Variants in NUP98 observed in about 807,000 individuals in gnomAD.
NUP98 encodes nucleoporin 98 and 96 precursor.
A neutral mutation model predicts 191.9 loss-of-function variants in NUP98; 26 were observed. That is an observed-to-expected ratio of 0.14 (90% CI 0.10 to 0.19). The LOEUF (loss-of-function observed/expected upper bound fraction) is 0.19. NUP98 is among the 10% of genes least tolerant of loss of function. NUP98 has a pLI of 1.00. For synonymous variants in NUP98, 808 were observed against 778.4 expected (o/e 1.04, Z -0.63); for missense variants, 1,941 against 2,178.8 (o/e 0.89, Z 2.17).
intron 28 of NUP98, 60 bp from the exon 29 acceptor site, chr11:3,686,254 T>A: frequency 6.9e-7 from 1 of 1,444,314 alleles, no homozygotes. Context: ...GACTGATATG[T>A]CAACTGTTCT....
In NUP98 at chr11:3,778,910, G is replaced by A; in HGVS notation, c.318C>T (p.Asn106=). The A allele has an allele frequency of 6.2e-7, 1 of 1,614,182 alleles. No individual in the cohort carries two copies. Among genetic ancestry groups the A allele is most frequent in the Non-Finnish European group, 8.5e-7 (1 of 1,180,034 alleles). The change falls in exon 4 of 33, where the codon AAC becomes AAT. Residue 106 remains asparagine, a synonymous_variant. Coordinates refer to ENST00000324932, the MANE Select transcript of NUP98 (RefSeq NM_016320.5). ...TTGGTTTATTTTGTGCAAAGGCATT[G>A]TTTTGGGATGAGAAGAGACTGGTCC... ...STGTSLFSSQ[N]NAFAQNKPTG...
chr11:3,779,514 G>T (rs2081875933), intron 2 of NUP98, among the ~76,000 whole-genome samples: 1 of 151,968 alleles, frequency 6.6e-6, no homozygotes, highest in Non-Finnish European at 1.5e-5. Context: ...GGTGGCACAT[G>T]CCTATAATCC....
intron 28 of NUP98, among the ~76,000 whole-genome samples, chr11:3,686,576 G>A (rs1183034462): frequency 6.6e-6 from 1 of 151,894 alleles, no homozygotes; most frequent in Non-Finnish European, 1.5e-5. Flanking sequence ...CTGGTATTTT[G>A]AAGTATCCTT....
chr11:3,745,654 T>C (rs1306048561), intron 11 of NUP98, among the ~76,000 whole-genome samples: 1 of 151,840 alleles, frequency 6.6e-6, no homozygotes, highest in African/African-American at 2.4e-5. Context: ...AGAGACAGGA[T>C]CTCATTATGT....
intron 6 of NUP98, among the ~76,000 whole-genome samples, chr11:3,772,908 G>A (rs1235820637): frequency 2.0e-5 from 3 of 152,042 alleles, no homozygotes; most frequent in South Asian, 4.1e-4. Flanking sequence ...AACCTAGGAG[G>A]TGGAGGTTGT....
At chr11:3,705,155 A>AT in intron 22 of NUP98, 45 bp downstream of exon 22, 1 of 1,591,392 alleles carries the variant, frequency 6.3e-7, no homozygotes, top group Non-Finnish European at 8.6e-7. Context: ...GCAGGACTTG[A>AT]TGACTGTACA....
intron 16 of NUP98, among the ~76,000 whole-genome samples, chr11:3,722,867 G>A (rs1356310221): frequency 2.0e-5 from 3 of 152,176 alleles, no homozygotes; most frequent in East Asian, 3.9e-4. Flanking sequence ...AGTTTACAAA[G>A]CCAGGGAAAA....
chr11:3,712,677 C>T lies in NUP98; in HGVS notation c.2629G>A (p.Glu877Lys). 6.2e-7 allele frequency: 1 copy of T among 1,613,064 alleles called. No individual in the cohort carries two copies. Among genetic ancestry groups the T allele is most frequent in the East Asian group, 2.2e-5 (1 of 44,878 alleles). The change falls in exon 20 of 33, where the codon GAG (glutamate) becomes AAG (lysine). Residue 877 changes from glutamate to lysine, a missense_variant. By Grantham distance (56) the Glu-to-Lys change is moderately conservative. Transcript: ENST00000324932. ...TTTGTACTAGTTTTAGACGGATGCTCCTCCTCCTCTTCATCAGAATCCTGA... is the reference window on the plus strand; with the variant it reads ...TTTGTACTAGTTTTAGACGGATGCTTCTCCTCCTCTTCATCAGAATCCTGA... The part of the protein sequence containing the change: ...GLQDSDEEEE[E>K]HPSKTSTKKL...
intron 28 of NUP98, among the ~76,000 whole-genome samples, chr11:3,689,418 T>G (rs1455936069): frequency 6.6e-6 from 1 of 151,842 alleles, no homozygotes; most frequent in Non-Finnish European, 1.5e-5. Flanking sequence ...TCCCAGCTAC[T>G]TGGGAGGCTG....
chr11:3,791,716 G>GGGCA (rs2082358022), intron 1 of NUP98, among the ~76,000 whole-genome samples: 2 of 151,492 alleles, frequency 1.3e-5, no homozygotes, highest in African/African-American at 4.9e-5. Flanking sequence ...GGTGGCACCT[G>GGGCA]CCTGTAATCC....
rs771239131 is a variant in NUP98, at chr11:3,778,916, G to C, written c.312C>G (p.Ser104=). ...TASTGTSLFS[S]QNNAFAQNKP... ...TATTTTGTGCAAAGGCATTGTTTTGGGATGAGAAGAGACTGGTCCCTGTGC... is the reference window on the plus strand; with the variant it reads ...TATTTTGTGCAAAGGCATTGTTTTGCGATGAGAAGAGACTGGTCCCTGTGC... The change falls in exon 4 of 33, where the codon TCC becomes TCG. Residue 104 remains serine (S), a synonymous_variant. Transcript: ENST00000324932. The C allele has an allele frequency of 5.0e-6, 8 of 1,614,198 alleles. No individual in the cohort carries two copies. In the East Asian group the frequency reaches 8.9e-5, roughly 18 times the overall value.
intron 14 of NUP98, among the ~76,000 whole-genome samples, chr11:3,725,861 G>A (rs956422549): frequency 6.6e-6 from 1 of 152,252 alleles, no homozygotes; most frequent in Middle Eastern, 3.4e-3. Flanking sequence ...CCACGCTGGT[G>A]TGTAGTGGTA....
At chr11:3,712,490 G>C in intron 20 of NUP98, 74 bp downstream of exon 20, 1 of 1,596,072 alleles carries the variant, frequency 6.3e-7, no homozygotes, top group Non-Finnish European at 8.5e-7. Context: ...AAACAGCTTT[G>C]TATTAGCTGA....
chr11:3,720,390 C>A (rs1297107376), intron 17 of NUP98, among the ~76,000 whole-genome samples: 2 of 152,050 alleles, frequency 1.3e-5, no homozygotes, highest in Non-Finnish European at 2.9e-5. Flanking sequence ...AACAGGTATA[C>A]CTAAGCCCAA....
rs1451232728 is a variant in NUP98 at position 3,758,797 on chromosome 11, C to CAGAG, written c.1174+1738_1174+1741dup. On this transcript the variant is annotated intron_variant, in intron 10 of 32. Coordinates refer to ENST00000324932, the MANE Select transcript of NUP98 (RefSeq NM_016320.5). ...AGAGAGACAGAGAGAGACAGAGAGA[C>CAGAG]AGAGACAGAGACAGAGAGAGACAGA... is the stretch of plus-strand genomic sequence containing the variant. 6.7e-5 allele frequency among the ~76,000 whole-genome samples: 10 copies of CAGAG among 149,306 alleles called. No individual in the cohort carries two copies. The South Asian group carries it at 2.1e-3, about 32-fold the overall frequency.
chr11:3,794,340 T>C (rs889917826), intron 1 of NUP98, among the ~76,000 whole-genome samples: 1 of 152,204 alleles, frequency 6.6e-6, no homozygotes, highest in African/African-American at 2.4e-5. Flanking sequence ...CTTTTTTTCT[T>C]GAGTCAGAGT....
chr11:3,789,087 C>T (rs569129263), intron 1 of NUP98, among the ~76,000 whole-genome samples: 1 of 152,312 alleles, frequency 6.6e-6, no homozygotes, highest in South Asian at 2.1e-4. Flanking sequence ...ATCTCTCAGA[C>T]CTCAATTTCT....
chr11:3,713,762 G>T, intron 19 of NUP98, 56 bp downstream of exon 19: 1 of 1,513,960 alleles, frequency 6.6e-7, no homozygotes, highest in Non-Finnish European at 9.0e-7. Flanking sequence ...CAACATAAAC[G>T]TTATGTGACT....
rs576782877 is a variant in NUP98, at chr11:3,686,017, G to A, written c.4632C>T (p.Leu1544=). ...SYAGQLESEG[L]WEWAIFVLLH... is the part of the protein sequence containing the mutation. ...GGAGGACAAAGATGGCCCACTCCCAGAGCCCCTCACTTTCAAGCTGGCCAG... is the reference window on the plus strand; with the variant it reads ...GGAGGACAAAGATGGCCCACTCCCAAAGCCCCTCACTTTCAAGCTGGCCAG... The change falls in exon 29 of 33, where the codon CTC becomes CTT. Residue 1544 remains leucine (L), a synonymous_variant. Transcript: ENST00000324932. The A allele has an allele frequency of 1.9e-6, 3 of 1,614,186 alleles. No individual in the cohort carries two copies. Among genetic ancestry groups the A allele is most frequent in the East Asian group, 4.5e-5 (2 of 44,880 alleles).
Sources: allele counts gnomAD v4.1 joint callset (sites outside exome capture counted in the v4.1 genomes callset), GRCh38; gene constraint gnomAD v4.1.1; transcripts MANE v1.5; gene names NCBI Gene and HGNC (gene_info 2026-07-23, HGNC 2026-07-21).